The following TOM1L2 variants were observed in gnomAD, a reference collection of about 807,000 sequenced individuals.
TOM1L2 encodes target of myb1 like 2 membrane trafficking protein.
In TOM1L2, 31 loss-of-function variants were observed where a neutral mutation model predicts 67.9. The observed-to-expected ratio is 0.46, with a 90% CI of 0.34 to 0.62. TOM1L2 has a LOEUF of 0.62. TOM1L2 is among the 20% of genes least tolerant of loss of function. The pLI is 0.01. For synonymous variants in TOM1L2, 256 were observed against 254.0 expected (o/e 1.01, Z -0.07); for missense variants, 606 against 663.5 (o/e 0.91, Z 0.95).
chr17:17,940,409 T>A (rs2040686699), intron 1 of TOM1L2, among the ~76,000 whole-genome samples: 1 of 152,024 alleles, frequency 6.6e-6, no homozygotes, highest in Non-Finnish European at 1.5e-5. Context: ...GTATGATAAC[T>A]TGTCCAAAAA....
intron 4 of TOM1L2, among the ~76,000 whole-genome samples, chr17:17,891,234 A>C (rs928426630): frequency 6.6e-6 from 1 of 152,180 alleles, no homozygotes; most frequent in African/African-American, 2.4e-5. Context: ...TGGCCACTTC[A>C]CACCTTGGGC....
At position 17,952,389 on chromosome 17, in the gene TOM1L2, T is replaced by C. The variant is rs1010959380; in HGVS notation, c.52+19873A>G. Reference sequence around the variant, plus strand: ...CTTCTTTATTTTCTTTTTTTTTTTTTTTTTTTTTTTTTTTTTTTTTGAGAC... The same window carrying C: ...CTTCTTTATTTTCTTTTTTTTTTTTCTTTTTTTTTTTTTTTTTTTTGAGAC... On this transcript the variant is annotated intron_variant, in intron 1 of 14. Transcript: ENST00000379504. Among the ~76,000 whole-genome samples the C allele has an allele frequency of 2.7e-3, 338 of 127,124 alleles. 25 individuals are homozygous for C. Among genetic ancestry groups the C allele is most frequent in the Middle Eastern group, 0.011 (3 of 272 alleles). 83.4% of individuals were successfully genotyped at this position (127,124 alleles called of 152,430 possible). A position where few individuals can be genotyped will look rare whatever the true frequency, so the allele number is the denominator to read the frequency against.
intron 1 of TOM1L2, among the ~76,000 whole-genome samples, chr17:17,942,472 C>G (rs1022596065): frequency 2.6e-5 from 4 of 152,086 alleles, no homozygotes; most frequent in African/African-American, 9.7e-5. Flanking sequence ...CTATACTAAC[C>G]AGAAAATCAT....
rs983267767 is a variant in TOM1L2 at position 17,884,663 on chromosome 17, C to T, written c.472G>A (p.Ala158Thr). Residue 158 changes from alanine to threonine, a missense_variant, in exon 5 of 15, where the codon GCT (alanine) becomes ACT (threonine). Physicochemically the swap from Ala to Thr is moderately conservative, Grantham distance 58. Coordinates refer to ENST00000379504, the MANE Select transcript of TOM1L2 (RefSeq NM_001082968.2). ...GVEFPMADLD[A>T]LSPIHTPQRS... ...TGTGGTGTGTGTATGGGAGACAGAG[C>T]GTCCAAGTCTGCCATGGGAAATTCA... is the stretch of plus-strand genomic sequence containing the variant. 4 of 1,613,964 alleles carry T rather than the reference C, an allele frequency of 2.5e-6. No individual in the cohort carries two copies. Among genetic ancestry groups the T allele is most frequent in the African/African-American group, 1.3e-5 (1 of 74,920 alleles).
At chr17:17,874,662 G>A (rs889645298) in intron 7 of TOM1L2, among the ~76,000 whole-genome samples, 6 of 152,204 alleles carry the variant, frequency 3.9e-5, no homozygotes, top group African/African-American at 7.2e-5. Flanking sequence ...TGAGCCCCAA[G>A]GGCACAGAAT....
At chr17:17,884,050 G>A (rs73299887) in intron 5 of TOM1L2, among the ~76,000 whole-genome samples, 5,904 of 152,126 alleles carry the variant, frequency 0.039, 407 homozygotes, top group African/African-American at 0.13. Flanking sequence ...CCCCCTCCAC[G>A]GTGCTCAAGT....
chr17:17,940,907 G>A lies in TOM1L2; in HGVS notation c.52+31355C>T, dbSNP rs115459657. ...CTGTCATTCGAGCAATGAGGTGATT[G>A]GTTTTGCATTCCTACCCAAAAAGGA... On this transcript the variant is annotated intron_variant, in intron 1 of 14. Coordinates refer to ENST00000379504, the MANE Select transcript of TOM1L2 (RefSeq NM_001082968.2). Among the ~76,000 whole-genome samples, 1,135 of 152,256 alleles carry A rather than the reference G, an allele frequency of 7.5e-3. 13 individuals carry two copies. Among genetic ancestry groups the A allele is most frequent in the African/African-American group, 0.026 (1,087 of 41,536 alleles).
intron 1 of TOM1L2, among the ~76,000 whole-genome samples, chr17:17,930,280 C>A (rs1413464900): frequency 6.6e-6 from 1 of 152,114 alleles, no homozygotes; most frequent in Non-Finnish European, 1.5e-5. Context: ...AACTTTAGCC[C>A]ATTCTCCTAA....
intron 1 of TOM1L2, among the ~76,000 whole-genome samples, chr17:17,911,089 G>C (rs996873874): frequency 5.9e-5 from 9 of 152,218 alleles, no homozygotes; most frequent in Admixed American, 2.0e-4. Context: ...GGCTGCCTTA[G>C]GTTTCAGAGA....
At chr17:17,866,816 C>T in intron 9 of TOM1L2, 60 bp downstream of exon 9, 1 of 1,531,474 alleles carries the variant, frequency 6.5e-7, no homozygotes, top group Non-Finnish European at 9.0e-7. Context: ...CTCCAGCCTC[C>T]AAAACGTGGA....
intron 1 of TOM1L2, among the ~76,000 whole-genome samples, chr17:17,948,319 C>T (rs991990471): frequency 2.0e-5 from 3 of 152,180 alleles, no homozygotes; most frequent in East Asian, 1.9e-4. Flanking sequence ...CCCAGAGCTG[C>T]TGCTAGCCCA....
intron 1 of TOM1L2, among the ~76,000 whole-genome samples, chr17:17,925,235 C>G (rs2040036288): frequency 6.6e-6 from 1 of 151,888 alleles, no homozygotes; most frequent in Non-Finnish European, 1.5e-5. Context: ...GCAAGAACAA[C>G]CTAATACAGC....
chr17:17,877,219 C>A (rs551445730), intron 7 of TOM1L2, among the ~76,000 whole-genome samples: 1 of 152,200 alleles, frequency 6.6e-6, no homozygotes, highest in Admixed American at 6.5e-5. Context: ...AGGAGGCAAC[C>A]GGGACATAAC....
chr17:17,861,644 G>A lies in TOM1L2; in HGVS notation c.1203-93C>T. The A allele has an allele frequency of 7.2e-6, 8 of 1,105,576 alleles. No homozygotes were observed. In the South Asian group the frequency reaches 9.2e-5, roughly 13 times the overall value. The allele number at this position is 1,105,576 out of a possible 1,614,324, so 68.5% of individuals were successfully genotyped here. A position where few individuals can be genotyped will look rare whatever the true frequency, so the allele number is the denominator to read the frequency against. ...GGCCTGTAATCACTTCTATCCTATG[G>A]TCCTTCCTCAGATGTCCTTGGAAAA... On this transcript the variant is annotated intron_variant, in intron 11 of 14. Transcript: ENST00000379504.
At chr17:17,942,333 TG>T (rs2040768061) in intron 1 of TOM1L2, among the ~76,000 whole-genome samples, 1 of 152,200 alleles carries the variant, frequency 6.6e-6, no homozygotes, top group Non-Finnish European at 1.5e-5. Context: ...CAGGCAGACC[TG>T]GGCTCAAACT....
At chr17:17,959,598 T>C (rs891278057) in intron 1 of TOM1L2, among the ~76,000 whole-genome samples, 3 of 152,174 alleles carry the variant, frequency 2.0e-5, no homozygotes, top group African/African-American at 7.2e-5. Context: ...CCAAGCAACA[T>C]CATTTCTCAG....
chr17:17,932,504 T>C (rs1295109585), intron 1 of TOM1L2, among the ~76,000 whole-genome samples: 1 of 152,106 alleles, frequency 6.6e-6, no homozygotes, highest in East Asian at 1.9e-4. Context: ...GGTAATGTTG[T>C]CCCTGGGCAG....
At chr17:17,899,352 C>T (rs913177689) in intron 2 of TOM1L2, among the ~76,000 whole-genome samples, 1 of 152,176 alleles carries the variant, frequency 6.6e-6, no homozygotes, top group African/African-American at 2.4e-5. Flanking sequence ...TAAAACCCAA[C>T]AAGTTTTGTG....
At chr17:17,873,341 T>C (rs1295986319) in intron 7 of TOM1L2, among the ~76,000 whole-genome samples, 1 of 152,166 alleles carries the variant, frequency 6.6e-6, no homozygotes, top group Non-Finnish European at 1.5e-5. Flanking sequence ...CCTGTCCACA[T>C]ACAATGTTTT....
Sources: allele counts gnomAD v4.1 joint callset (sites outside exome capture counted in the v4.1 genomes callset), GRCh38; gene constraint gnomAD v4.1.1; transcripts MANE v1.5; gene names NCBI Gene and HGNC (gene_info 2026-07-23, HGNC 2026-07-21).